Variants in DNAI2 observed in about 807,000 individuals in gnomAD.
DNAI2 encodes dynein axonemal intermediate chain 2.
Under a neutral mutation model 74.7 loss-of-function variants are expected in DNAI2, and 63 were observed. The ratio of observed to expected loss-of-function variants is 0.84; its 90% confidence interval spans 0.69 to 1.04. The LOEUF is 1.04. Among genes scored for constraint, DNAI2 ranks in the 50% least tolerant of loss-of-function variants. The pLI is 0.00. For synonymous variants in DNAI2, 289 were observed against 314.9 expected, an observed-to-expected ratio of 0.92 and a Z score of 0.87; for missense variants, 688 against 803.2, an observed-to-expected ratio of 0.86 and a Z score of 1.73.
At position 74,305,285 on chromosome 17, in the gene DNAI2, T is replaced by C; in HGVS notation, c.1054T>C (p.Ser352Pro). 6.2e-7 allele frequency: 1 copy of C among 1,614,124 alleles called. No individual in the cohort carries two copies. The highest frequency in any genetic ancestry group is 8.5e-7 in the Non-Finnish European group (1 of 1,180,030). Residue 352 changes from serine (S) to proline (P), a missense_variant, in exon 9 of 14, where the codon TCA (serine) becomes CCA (proline). Ser to Pro is a moderately conservative substitution (Grantham distance 74, BLOSUM62 -1). Coordinates refer to ENST00000311014, the MANE Select transcript of DNAI2 (RefSeq NM_023036.6). ...VISCNRKAKTSAEKIVCTFPG... is the reference protein window; with the variant it reads ...VISCNRKAKTPAEKIVCTFPG... ...CTCCTGCAACCGCAAGGCCAAGACGTCAGCTGAAAAGATTGTGTGCACCTT... is the reference window on the plus strand; with the variant it reads ...CTCCTGCAACCGCAAGGCCAAGACGCCAGCTGAAAAGATTGTGTGCACCTT...
In DNAI2 at chr17:74,289,498, G is replaced by A. The variant is rs2051949446; in HGVS notation, c.468-96G>A. 3.3e-5 allele frequency: 49 copies of A among 1,501,554 alleles called. No homozygotes were observed. In the South Asian group the frequency reaches 5.0e-4, roughly 15 times the overall value. 93.0% of individuals were successfully genotyped at this position (1,501,554 alleles called of 1,614,324 possible). ...GCCGAGATTATGCCACTGCCTGGGG[G>A]ACAGAGCAAGACTCCATCTGACAAA... On this transcript the variant is annotated intron_variant, in intron 4 of 13. Transcript: ENST00000311014.
intron 1 of DNAI2, among the ~76,000 whole-genome samples, 169 bp downstream of exon 1, chr17:74,274,514 G>GC (rs1278301527): frequency 1.3e-5 from 2 of 152,068 alleles, no homozygotes; most frequent in African/African-American, 4.8e-5. Context: ...CGCTCCTAGT[G>GC]CCCTCTTCCC....
rs2051778053 is a variant in DNAI2 at position 74,286,873 on chromosome 17, A to G, written c.346-104A>G. 5 of 1,502,634 alleles carry G rather than the reference A, an allele frequency of 3.3e-6. No individual in the cohort carries two copies. The Admixed American group carries it at 6.7e-5, about 20-fold the overall frequency. The allele number at this position is 1,502,634 out of a possible 1,614,324, so 93.1% of individuals were successfully genotyped here. ...AAAGCACATGGTTAGGTGGATGGGA[A>G]AAGCCCCTGGCTATGTCCTGTCCCT... On this transcript the variant is annotated intron_variant, in intron 3 of 13. Coordinates refer to ENST00000311014, the MANE Select transcript of DNAI2 (RefSeq NM_023036.6).
chr17:74,305,670 C>CTTTTTT (rs4007906), intron 9 of DNAI2, among the ~76,000 whole-genome samples: 2 of 122,246 alleles, frequency 1.6e-5, no homozygotes, highest in Admixed American at 8.3e-5. Context: ...ATTTTATTTC[C>CTTTTTT]TTTTTTTTTT....
chr17:74,284,087 G>A (rs1048769232), intron 2 of DNAI2, among the ~76,000 whole-genome samples: 3 of 149,596 alleles, frequency 2.0e-5, no homozygotes, highest in Non-Finnish European at 3.0e-5. Flanking sequence ...GCAGTGAGCC[G>A]AGATTCCGCC....
chr17:74,287,223 A>T lies in DNAI2; in HGVS notation c.467+125A>T, dbSNP rs531846824. The T allele has an allele frequency of 1.7e-5, 25 of 1,458,472 alleles. No individual in the cohort carries two copies. In the East Asian group the frequency reaches 3.2e-4, roughly 19 times the overall value. 90.3% of individuals were successfully genotyped at this position (1,458,472 alleles called of 1,614,324 possible). A position where few individuals can be genotyped will look rare whatever the true frequency, so the allele number is the denominator to read the frequency against. On this transcript the variant is annotated intron_variant, in intron 4 of 13. Coordinates refer to ENST00000311014, the MANE Select transcript of DNAI2 (RefSeq NM_023036.6). ...CAGCACTGTCTGTGCTCTGAGCTTG[A>T]TAAGTGACGTGGTGATAAGTCACCC...
Position 74,280,076 on chromosome 17 carries a change from C to G in DNAI2, c.-11-1731C>G, listed in dbSNP as rs534103236. Among the ~76,000 whole-genome samples, 6 of 152,284 alleles carry G rather than the reference C, an allele frequency of 3.9e-5. No homozygotes were observed. In the East Asian group the frequency reaches 1.2e-3, roughly 29 times the overall value. ...CTGCTAATTCCATGGTGTGATATGG[C>G]AGGTACACAGGTCAAAGCGCCAACC... is the stretch of plus-strand genomic sequence containing the variant. On this transcript the variant is annotated intron_variant, in intron 1 of 13. Transcript: ENST00000311014.
chr17:74,314,228 C>A lies in DNAI2; in HGVS notation c.*12C>A. On this transcript the variant is annotated 3_prime_UTR_variant, in exon 13 of 14. Coordinates refer to ENST00000311014, the MANE Select transcript of DNAI2 (RefSeq NM_023036.6). ...AAGACTTAGCCTAGAAGTCAGCCTT[C>A]GACTGCGGCGCTATCCCTGTGTGCC... 1 of 1,613,916 alleles carries A rather than the reference C, an allele frequency of 6.2e-7. No individual in the cohort carries two copies. The highest frequency in any genetic ancestry group is 8.5e-7 in the Non-Finnish European group (1 of 1,179,856).
At chr17:74,295,537 C>T (rs939165574) in intron 6 of DNAI2, among the ~76,000 whole-genome samples, 10 of 152,166 alleles carry the variant, frequency 6.6e-5, no homozygotes, top group African/African-American at 2.4e-4. Context: ...TGATGTGAGG[C>T]CTTTGTCTAG....
At chr17:74,278,334 G>A (rs1334975293) in intron 1 of DNAI2, among the ~76,000 whole-genome samples, 1 of 152,198 alleles carries the variant, frequency 6.6e-6, no homozygotes, top group South Asian at 2.1e-4. Flanking sequence ...GAAGGCTGAG[G>A]TGGGAGGATT....
intron 6 of DNAI2, among the ~76,000 whole-genome samples, chr17:74,294,744 C>T (rs1282877861): frequency 6.6e-6 from 1 of 152,138 alleles, no homozygotes; most frequent in Non-Finnish European, 1.5e-5. Flanking sequence ...GTTTATCCCA[C>T]TTGGAATTCA....
In DNAI2 at chr17:74,314,279, C is replaced by T; in HGVS notation, c.*55+8C>T. On this transcript the variant is annotated splice_region_variant and intron_variant, in intron 13 of 13. Coordinates refer to ENST00000311014, the MANE Select transcript of DNAI2 (RefSeq NM_023036.6). ...TTCCTTTCCCACCTCTTGGTATTGCCCCGCTCTCACAAGTGGGAGGCTGAG... is the reference window on the plus strand; with the variant it reads ...TTCCTTTCCCACCTCTTGGTATTGCTCCGCTCTCACAAGTGGGAGGCTGAG... 6.2e-7 allele frequency: 1 copy of T among 1,609,482 alleles called. No homozygotes were observed. Among genetic ancestry groups the T allele is most frequent in the Non-Finnish European group, 8.5e-7 (1 of 1,177,176 alleles).
rs142396454 is a variant in DNAI2 at position 74,277,495 on chromosome 17, G to A, written c.-12+3150G>A. ...GCTAGGAGTGGGATGGGGTGGTACT[G>A]TCTTCAAGACACAATGTATATGGAT... On this transcript the variant is annotated intron_variant, in intron 1 of 13. Coordinates refer to ENST00000311014, the MANE Select transcript of DNAI2 (RefSeq NM_023036.6). Among the ~76,000 whole-genome samples, 586 of 152,314 alleles carry A rather than the reference G, an allele frequency of 3.8e-3. 4 individuals carry two copies. Among genetic ancestry groups the A allele is most frequent in the Non-Finnish European group, 6.7e-3 (455 of 68,026 alleles).
rs751438337 is a variant in DNAI2 at position 74,314,229 on chromosome 17, G to T, written c.*13G>T. On this transcript the variant is annotated 3_prime_UTR_variant, in exon 13 of 14. Transcript: ENST00000311014. ...AGACTTAGCCTAGAAGTCAGCCTTC[G>T]ACTGCGGCGCTATCCCTGTGTGCCT... 1 of 1,613,858 alleles carries T rather than the reference G, an allele frequency of 6.2e-7. No homozygotes were observed. Among genetic ancestry groups the T allele is most frequent in the South Asian group, 1.1e-5 (1 of 91,044 alleles).
intron 6 of DNAI2, among the ~76,000 whole-genome samples, chr17:74,297,676 C>T (rs2052529139): frequency 6.6e-6 from 1 of 151,978 alleles, no homozygotes; most frequent in Admixed American, 6.6e-5. Flanking sequence ...GCCACCAAGC[C>T]CAGCCCAAAC....
chr17:74,286,676 C>T (rs1363616739), intron 3 of DNAI2, among the ~76,000 whole-genome samples: 2 of 152,170 alleles, frequency 1.3e-5, no homozygotes, highest in African/African-American at 2.4e-5. Context: ...CCACCCGCTT[C>T]GGCCTCCCAA....
At chr17:74,287,141 C>T (rs2051798514) in intron 4 of DNAI2, 43 bp downstream of exon 4, 1 of 1,610,164 alleles carries the variant, frequency 6.2e-7, no homozygotes, top group Non-Finnish European at 8.5e-7. Flanking sequence ...CCTCCGTCAC[C>T]CCCATGCATG....
intron 6 of DNAI2, among the ~76,000 whole-genome samples, chr17:74,296,321 GA>G (rs2052426388): frequency 1.5e-5 from 1 of 65,784 alleles, no homozygotes; most frequent in Non-Finnish European, 5.2e-5. Flanking sequence ...AAGAGAGAGA[GA>G]GAGAGAGAGA....
chr17:74,314,746 C>G lies in DNAI2; in HGVS notation c.*213C>G, dbSNP rs1487816061. 1.1e-5 allele frequency: 2 copies of G among 183,370 alleles called. No individual in the cohort carries two copies. The highest frequency in any genetic ancestry group is 4.6e-5 in the African/African-American group (2 of 43,112). 11.4% of individuals were successfully genotyped at this position (183,370 alleles called of 1,614,324 possible). On this transcript the variant is annotated 3_prime_UTR_variant, in exon 14 of 14. Coordinates refer to ENST00000311014, the MANE Select transcript of DNAI2 (RefSeq NM_023036.6). The stretch of plus-strand genomic sequence containing the variant: ...AATACCTTTCCAGGCAGCTCCCTGA[C>G]CATTTGGACACATTGCCACGACAGG...
Sources: gnomAD v4.1 joint callset for allele counts (sites outside exome capture counted in the v4.1 genomes callset) on GRCh38, gnomAD v4.1.1 for gene constraint, MANE v1.5 for transcripts, NCBI Gene and HGNC (gene_info 2026-07-23, HGNC 2026-07-21) for gene names.